MUC17: variants seen among roughly 807,000 people sequenced by gnomAD.
MUC17 encodes mucin 17, cell surface associated.
In MUC17, 190 loss-of-function variants were observed where a neutral mutation model predicts 170.3. The ratio of observed to expected loss-of-function variants is 1.12; its 90% CI spans 0.99 to 1.26. The LOEUF (loss-of-function observed/expected upper bound fraction) is 1.26. MUC17 is among the 50% of genes most tolerant of loss of function. The probability of loss-of-function intolerance (pLI) is 0.00; values close to 1 mark genes in which losing one functional copy is unlikely to be tolerated. For synonymous variants in MUC17, 2,325 were observed against 2,002.5 expected (o/e 1.16, Z -4.30); for missense variants, 6,415 against 5,530.0 (o/e 1.16, Z -5.08).
intron 3 of MUC17, among the ~76,000 whole-genome samples, chr7:101,045,554 A>T (rs765491713): frequency 2.6e-5 from 4 of 151,926 alleles, no homozygotes; most frequent in Non-Finnish European, 4.4e-5. Context: ...CACCACATCC[A>T]GCTAATTTTT....
intron 3 of MUC17, among the ~76,000 whole-genome samples, chr7:101,046,423 A>G (rs539556968): frequency 3.3e-5 from 5 of 152,348 alleles, no homozygotes; most frequent in Admixed American, 1.3e-4. Context: ...AGAGTTGGCT[A>G]TCACTACTTC....
chr7:101,043,605 A>G lies in MUC17; in HGVS notation c.12189A>G (p.Pro4063=). 1 of 1,613,676 alleles carries G rather than the reference A, an allele frequency of 6.2e-7. No individual in the cohort carries two copies. The highest frequency in any genetic ancestry group is 8.5e-7 in the Non-Finnish European group (1 of 1,179,928). ...CAACAATTACTTCTCACACCATCCC[A>G]CCTACATTTCCTCCTGCTCACTCCA... ...RPSTITSHTI[P]PTFPPAHSST... The change falls in exon 3 of 13, where the codon CCA becomes CCG. Residue 4063 remains proline, a synonymous_variant. Transcript: ENST00000306151.
At chr7:101,053,606 TAAAAAAA>T in intron 11 of MUC17, 170 bp downstream of exon 11, 1 of 485,042 alleles carries the variant, frequency 2.1e-6, no homozygotes, top group Non-Finnish European at 3.6e-6. Flanking sequence ...CTCTATCTCT[TAAAAAAA>T]AATAAAAAAT....
In MUC17 at chr7:101,036,598, C is replaced by T. The variant is rs71273404; in HGVS notation, c.5182C>T (p.Arg1728Cys). ...ACCTGTGACCACTTCTACTGAAGCC[C>T]GTTCATCTCCTACAACTTCTGAAGG... is the stretch of plus-strand genomic sequence containing the variant. ...STPVTTSTEARSSPTTSEGTS... is the reference protein window; with the variant it reads ...STPVTTSTEACSSPTTSEGTS... Residue 1728 changes from arginine to cysteine, a missense_variant, in exon 3 of 13, where the codon CGT becomes TGT. Arg to Cys is a radical substitution (Grantham distance 180). Transcript: ENST00000306151. The T allele has an allele frequency of 5.0e-6, 8 of 1,610,376 alleles. No homozygotes were observed. The highest frequency in any genetic ancestry group is 3.4e-5 in the Admixed American group (2 of 59,674).
rs573436962 is a variant in MUC17 at position 101,051,280 on chromosome 7, G to A, written c.12875-333G>A. Among the ~76,000 whole-genome samples, 19 of 144,836 alleles carry A rather than the reference G, an allele frequency of 1.3e-4. 1 individual carries two copies. Among genetic ancestry groups the A allele is most frequent in the African/African-American group, 1.8e-4 (7 of 39,024 alleles). ...CTTGGGAGGCTGAGGCAGGAGAATC[G>A]CTTGAAACCGGGAAGCAGAGGTTGC... On this transcript the variant is annotated intron_variant, in intron 7 of 12. Coordinates refer to ENST00000306151, the MANE Select transcript of MUC17 (RefSeq NM_001040105.2).
At position 101,037,002 on chromosome 7, in the gene MUC17, T is replaced by C; in HGVS notation, c.5586T>C (p.Pro1862=). 1.9e-6 allele frequency: 3 copies of C among 1,584,112 alleles called. No homozygotes were observed. The highest frequency in any genetic ancestry group is 1.2e-5 in the South Asian group (1 of 81,084). The change falls in exon 3 of 13, where the codon CCT becomes CCC. Residue 1862 remains proline, a synonymous_variant. Coordinates refer to ENST00000306151, the MANE Select transcript of MUC17 (RefSeq NM_001040105.2). ...AEGTSIATST[P]SEGSTALTSI... ...GTACCAGCATAGCAACCTCAACGCC[T>C]AGTGAAGGAAGCACTGCATTAACAA...
At position 101,042,946 on chromosome 7, in the gene MUC17, A is replaced by G. The variant is rs1458861222; in HGVS notation, c.11530A>G (p.Thr3844Ala). ...TTCAACACCTCCTGGTGATACCAGC[A>G]CACCTTTGCTCACCTCTACCAAAGC... ...TLSTPPGDTSTPLLTSTKAGS... is the reference protein window; with the variant it reads ...TLSTPPGDTSAPLLTSTKAGS... The change falls in exon 3 of 13, where the codon ACA (threonine) becomes GCA (alanine). Residue 3844 changes from threonine (T) to alanine (A), a missense_variant. By Grantham distance (58) the Thr-to-Ala change is moderately conservative. Transcript: ENST00000306151. 5 of 1,614,114 alleles carry G rather than the reference A, an allele frequency of 3.1e-6. No individual in the cohort carries two copies. In the Admixed American group the frequency reaches 6.7e-5, roughly 22 times the overall value.
rs1399981746 is a variant in MUC17, at chr7:101,032,660, C to A, written c.1244C>A (p.Thr415Lys). 6.4e-7 allele frequency: 1 copy of A among 1,573,684 alleles called. No homozygotes were observed. Among genetic ancestry groups the A allele is most frequent in the South Asian group, 1.1e-5 (1 of 88,502 alleles). ...AGTTCTGAGGCTAGCACCACTTCAA[C>A]AATTCCTGTTGACTCCAAAACTTTT... The part of the protein sequence containing the change: ...VASSEASTTS[T>K]IPVDSKTFVT... Residue 415 changes from threonine (T) to lysine (K), a missense_variant, in exon 3 of 13, where the codon ACA becomes AAA. Transcript: ENST00000306151.
chr7:101,055,279 T>C (rs1795026779), intron 11 of MUC17, among the ~76,000 whole-genome samples: 1 of 151,914 alleles, frequency 6.6e-6, no homozygotes, highest in African/African-American at 2.4e-5. Flanking sequence ...AGGTATCCAC[T>C]GTCGGTGGGA....
At chr7:101,052,790 T>C (rs190621923) in intron 9 of MUC17, among the ~76,000 whole-genome samples, 196 bp from the exon 10 acceptor site, 60 of 152,202 alleles carry the variant, frequency 3.9e-4, no homozygotes, top group African/African-American at 1.3e-3. Flanking sequence ...GGAGTGGGAA[T>C]TGGGCTCATT....
rs150037699 is a variant in MUC17 at position 101,043,105 on chromosome 7, A to G, written c.11689A>G (p.Thr3897Ala). The G allele has an allele frequency of 3.1e-6, 5 of 1,613,988 alleles. No homozygotes were observed. Among genetic ancestry groups the G allele is most frequent in the Non-Finnish European group, 8.5e-7 (1 of 1,180,014 alleles). The change falls in exon 3 of 13, where the codon ACA becomes GCA. Residue 3897 changes from threonine to alanine, a missense_variant. Transcript: ENST00000306151. The part of the protein sequence containing the change: ...TSFPGASIAS[T>A]PPLDTSTTFT... ...CTTTCCTGGGGCCAGCATAGCTTCG[A>G]CACCTCCTCTTGACACAAGCACAAC...
chr7:101,037,183 G>A lies in MUC17; in HGVS notation c.5767G>A (p.Glu1923Lys), dbSNP rs1562811152. The A allele has an allele frequency of 1.9e-6, 3 of 1,612,756 alleles. No homozygotes were observed. Among genetic ancestry groups the A allele is most frequent in the South Asian group, 1.1e-5 (1 of 90,722 alleles). ...CAGCATGCCAACCTCAACTCCTAGG[G>A]AAGGAAGGCCTCCATTAACAAGTAT... ...GSSMPTSTPR[E>K]GRPPLTSIPV... Residue 1923 changes from glutamate to lysine, a missense_variant, in exon 3 of 13, where the codon GAA (glutamate) becomes AAA (lysine). Physicochemically the swap from Glu to Lys is moderately conservative, Grantham distance 56. Coordinates refer to ENST00000306151, the MANE Select transcript of MUC17 (RefSeq NM_001040105.2).
intron 12 of MUC17, among the ~76,000 whole-genome samples, 183 bp from the exon 13 acceptor site, chr7:101,057,820 T>C (rs1795074303): frequency 6.6e-6 from 1 of 152,124 alleles, no homozygotes; most frequent in South Asian, 2.1e-4. Context: ...TTACAGGCCA[T>C]GGTGAGCCGT....
chr7:101,041,954 G>A lies in MUC17; in HGVS notation c.10538G>A (p.Gly3513Asp), dbSNP rs1225670930. ...ACCAGCATGCCAACATCAACTGCTGGTGAAGGAAGCACTCCATTAACAAAT... is the reference window on the plus strand; with the variant it reads ...ACCAGCATGCCAACATCAACTGCTGATGAAGGAAGCACTCCATTAACAAAT... The part of the protein sequence containing the change: ...EVTSMPTSTA[G>D]EGSTPLTNMP... The change falls in exon 3 of 13, where the codon GGT becomes GAT. Residue 3513 changes from glycine (G) to aspartate (D), a missense_variant. Coordinates refer to ENST00000306151, the MANE Select transcript of MUC17 (RefSeq NM_001040105.2). 1 of 1,613,014 alleles carries A rather than the reference G, an allele frequency of 6.2e-7. No individual in the cohort carries two copies. Among genetic ancestry groups the A allele is most frequent in the Non-Finnish European group, 8.5e-7 (1 of 1,179,792 alleles).
chr7:101,056,303 C>G, intron 12 of MUC17, 33 bp downstream of exon 12: 1 of 1,611,044 alleles, frequency 6.2e-7, no homozygotes, highest in Non-Finnish European at 8.5e-7. Flanking sequence ...GCTGGCCTCC[C>G]CCAACCCTGC....
rs1445493536 is a variant in MUC17 at position 101,036,815 on chromosome 7, C to A, written c.5399C>A (p.Thr1800Asn). The change falls in exon 3 of 13, where the codon ACC becomes AAC. Residue 1800 changes from threonine (T) to asparagine (N), a missense_variant. Physicochemically the swap from Thr to Asn is moderately conservative, Grantham distance 65 (BLOSUM62 0). Coordinates refer to ENST00000306151, the MANE Select transcript of MUC17 (RefSeq NM_001040105.2). ...ACTGCTGAAGGTACCAGCATACCAACCTCGACTCTTAGTGAAGGAATGACT... is the reference window on the plus strand; with the variant it reads ...ACTGCTGAAGGTACCAGCATACCAAACTCGACTCTTAGTGAAGGAATGACT... ...PTTAEGTSIP[T>N]STLSEGMTPL... 1.2e-6 allele frequency: 2 copies of A among 1,605,490 alleles called. No homozygotes were observed. The highest frequency in any genetic ancestry group is 1.4e-5 in the African/African-American group (1 of 74,000).
chr7:101,055,774 A>T (rs923826246), intron 11 of MUC17, among the ~76,000 whole-genome samples: 17 of 152,232 alleles, frequency 1.1e-4, no homozygotes, highest in African/African-American at 3.6e-4. Flanking sequence ...GCCTCAAAAA[A>T]CTTACAAAAA....
In MUC17 at chr7:101,040,708, T is replaced by C; in HGVS notation, c.9292T>C (p.Ser3098Pro). The change falls in exon 3 of 13, where the codon TCA becomes CCA. Residue 3098 changes from serine to proline, a missense_variant. Coordinates refer to ENST00000306151, the MANE Select transcript of MUC17 (RefSeq NM_001040105.2). ...TGCTGAAGGTACCAGCATGCCAATCTCAACTTATAGTGAAGGAAGCACTCC... is the reference window on the plus strand; with the variant it reads ...TGCTGAAGGTACCAGCATGCCAATCCCAACTTATAGTGAAGGAAGCACTCC... Reference protein sequence around the residue: ...TPAEGTSMPISTYSEGSTPLT... With the variant: ...TPAEGTSMPIPTYSEGSTPLT... 6.2e-7 allele frequency: 1 copy of C among 1,613,198 alleles called. No individual in the cohort carries two copies. The highest frequency in any genetic ancestry group is 8.5e-7 in the Non-Finnish European group (1 of 1,179,804).
chr7:101,024,057 C>A lies in MUC17; in HGVS notation c.82+3840C>A, dbSNP rs143623953. On this transcript the variant is annotated intron_variant, in intron 1 of 12. Transcript: ENST00000306151. ...TCTTTTGAGAAGTGTCTGTTCATGG[C>A]CTTTGCCCACTTTTTGATGGGAGGG... Among the ~76,000 whole-genome samples, 467 of 152,176 alleles carry A rather than the reference C, an allele frequency of 3.1e-3. 4 individuals carry two copies. Among genetic ancestry groups the A allele is most frequent in the African/African-American group, 0.011 (445 of 41,524 alleles).
Sources: gnomAD v4.1 joint callset for allele counts (sites outside exome capture counted in the v4.1 genomes callset) on GRCh38, gnomAD v4.1.1 for gene constraint, MANE v1.5 for transcripts, NCBI Gene and HGNC (gene_info 2026-07-23, HGNC 2026-07-21) for gene names.